The following APCDD1L variants were observed in gnomAD, a reference collection of about 807,000 sequenced individuals.
The protein encoded by APCDD1L is protein APCDD1-like.
In APCDD1L, 21 loss-of-function variants were observed where a neutral mutation model predicts 24.2. That is an observed-to-expected ratio of 0.87 (90% confidence interval 0.61 to 1.25). The LOEUF (loss-of-function observed/expected upper bound fraction) is 1.25. APCDD1L is among the 50% of genes most tolerant of loss of function. APCDD1L has a pLI of 0.00. For synonymous variants in APCDD1L, 321 were observed against 323.6 expected, an observed-to-expected ratio of 0.99 and a Z score of 0.09; for missense variants, 704 against 711.7, an observed-to-expected ratio of 0.99 and a Z score of 0.12.
At chr20:58,481,843 CG>C (rs1990031756) in intron 1 of APCDD1L, among the ~76,000 whole-genome samples, 1 of 152,204 alleles carries the variant, frequency 6.6e-6, no homozygotes, top group Non-Finnish European at 1.5e-5. Context: ...CTTTCTTCCA[CG>C]TGGGAGATCT....
intron 3 of APCDD1L, among the ~76,000 whole-genome samples, chr20:58,465,049 T>G (rs1600842796): frequency 6.6e-6 from 1 of 152,148 alleles, no homozygotes; most frequent in Non-Finnish European, 1.5e-5. Flanking sequence ...CCCAGAGTCC[T>G]GCCTGGGGAT....
intron 2 of APCDD1L, among the ~76,000 whole-genome samples, chr20:58,469,144 C>T (rs987037535): frequency 1.3e-5 from 2 of 152,092 alleles, no homozygotes; most frequent in African/African-American, 4.8e-5. Context: ...TGGCTCTGCT[C>T]CCCATATCCA....
At chr20:58,496,802 T>G in intron 1 of APCDD1L, among the ~76,000 whole-genome samples, 1 of 150,250 alleles carries the variant, frequency 6.7e-6, no homozygotes, top group African/African-American at 2.5e-5. Flanking sequence ...CATGGGAGAG[T>G]GGAGGAAGGC....
intron 1 of APCDD1L, among the ~76,000 whole-genome samples, chr20:58,476,776 C>T (rs113478997): frequency 5.9e-5 from 9 of 152,340 alleles, no homozygotes; most frequent in African/African-American, 2.2e-4. Flanking sequence ...AGATCATCCA[C>T]CCCATCCCAC....
intron 3 of APCDD1L, among the ~76,000 whole-genome samples, chr20:58,464,834 A>T (rs533310712): frequency 2.7e-4 from 40 of 150,858 alleles, no homozygotes; most frequent in Admixed American, 2.3e-3. Context: ...CTTCTTTGAA[A>T]TTATCTGTCT....
At position 58,509,719 on chromosome 20, in the gene APCDD1L, A is replaced by G. The variant is rs114907366; in HGVS notation, c.49+4940T>C. ...CACATGTGCTGGCTTACGGTTAGAG[A>G]CTTTCAGGGCTGGAAGCAAATCTGG... is the stretch of plus-strand genomic sequence containing the variant. On this transcript the variant is annotated intron_variant, in intron 1 of 3. Transcript: ENST00000371149. Among the ~76,000 whole-genome samples, 556 of 152,246 alleles carry G rather than the reference A, an allele frequency of 3.7e-3. 4 individuals are homozygous for G. Among genetic ancestry groups the G allele is most frequent in the African/African-American group, 0.013 (524 of 41,538 alleles).
intron 1 of APCDD1L, among the ~76,000 whole-genome samples, chr20:58,491,480 A>G (rs1029756474): frequency 1.3e-5 from 2 of 151,506 alleles, no homozygotes; most frequent in African/African-American, 2.4e-5. Flanking sequence ...GGGAGGGAAT[A>G]TATCATTTAC....
In APCDD1L at chr20:58,515,037, C is replaced by T. The variant is rs964430758; in HGVS notation, c.-330G>A. The stretch of plus-strand genomic sequence containing the variant: ...CCCCAGCCCTCCCCCAGATGTCCGT[C>T]CCCTGGCCGTCGCCTTCCCCAAAGT... On this transcript the variant is annotated 5_prime_UTR_variant, in exon 1 of 4. Transcript: ENST00000371149. The T allele has an allele frequency of 3.8e-6, 1 of 261,414 alleles. No individual in the cohort carries two copies. The allele number at this position is 261,414 out of a possible 1,614,324, so 16.2% of individuals were successfully genotyped here.
chr20:58,479,992 A>C (rs1989993846), intron 1 of APCDD1L, among the ~76,000 whole-genome samples: 1 of 152,184 alleles, frequency 6.6e-6, no homozygotes. Context: ...CTGCATCAAC[A>C]AACACAGAAA....
intron 1 of APCDD1L, among the ~76,000 whole-genome samples, chr20:58,479,566 A>G (rs1335247270): frequency 7.4e-6 from 1 of 135,976 alleles, no homozygotes; most frequent in Non-Finnish European, 1.6e-5. Context: ...GCTCTGTTTT[A>G]TATACTGAGG....
chr20:58,512,051 C>T (rs1197221551), intron 1 of APCDD1L, among the ~76,000 whole-genome samples: 1 of 152,224 alleles, frequency 6.6e-6, no homozygotes, highest in Non-Finnish European at 1.5e-5. Flanking sequence ...GCACCAGACA[C>T]ATCTGGCCTG....
intron 1 of APCDD1L, among the ~76,000 whole-genome samples, chr20:58,491,070 T>G (rs549425794): frequency 6.6e-6 from 1 of 152,290 alleles, no homozygotes; most frequent in Admixed American, 6.5e-5. Context: ...CCAAACCCAT[T>G]CGTAATTTAA....
At chr20:58,514,573 C>T (rs1990702074) in intron 1 of APCDD1L, 86 bp downstream of exon 1, 2 of 1,226,934 alleles carry the variant, frequency 1.6e-6, no homozygotes, top group Admixed American at 4.0e-5. Flanking sequence ...GCCGTAGTCC[C>T]CAAGGGCCCT....
chr20:58,495,150 C>A (rs184422862), intron 1 of APCDD1L, among the ~76,000 whole-genome samples: 1 of 152,366 alleles, frequency 6.6e-6, no homozygotes, highest in Admixed American at 6.5e-5. Flanking sequence ...TCTCCCTCAA[C>A]TTGTCGTCTG....
chr20:58,494,166 G>C lies in APCDD1L; in HGVS notation c.49+20493C>G, dbSNP rs1990275521. On this transcript the variant is annotated intron_variant, in intron 1 of 3. Transcript: ENST00000371149. This position sits in a 1 kb window ranked among gnomAD's most constrained non-coding sequence, Gnocchi z 4.8. The stretch of plus-strand genomic sequence containing the variant: ...GGAGGAGGAGGAAGAGGAGGGGCTG[G>C]TCTTGCTGTCTCAGGGGCAGCAGAG... Among the ~76,000 whole-genome samples, 1 of 152,152 alleles carries C rather than the reference G, an allele frequency of 6.6e-6. No homozygotes were observed. The highest frequency in any genetic ancestry group is 1.5e-5 in the Non-Finnish European group (1 of 68,020).
At chr20:58,513,214 A>G (rs1031819383) in intron 1 of APCDD1L, among the ~76,000 whole-genome samples, 1 of 152,062 alleles carries the variant, frequency 6.6e-6, no homozygotes, top group African/African-American at 2.4e-5. Flanking sequence ...TGTCCTCCCT[A>G]TCTCAGCACC....
At chr20:58,512,903 G>A (rs935532902) in intron 1 of APCDD1L, among the ~76,000 whole-genome samples, 3 of 152,020 alleles carry the variant, frequency 2.0e-5, no homozygotes, top group African/African-American at 2.4e-5. Flanking sequence ...CCCCTCTCTC[G>A]TCAGGCCCCC....
intron 1 of APCDD1L, among the ~76,000 whole-genome samples, chr20:58,512,605 G>A (rs927730751): frequency 3.6e-4 from 55 of 152,210 alleles, no homozygotes; most frequent in African/African-American, 1.3e-3. Flanking sequence ...GGGGTGGCTG[G>A]TGTGCCATTA....
At chr20:58,471,220 C>A (rs1989806515) in intron 1 of APCDD1L, among the ~76,000 whole-genome samples, 1 of 152,188 alleles carries the variant, frequency 6.6e-6, no homozygotes, top group Non-Finnish European at 1.5e-5. Flanking sequence ...TAGAGCAGAC[C>A]ACTCCCCTCC....
Sources: gnomAD v4.1 joint callset for allele counts (sites outside exome capture counted in the v4.1 genomes callset) on GRCh38, gnomAD v4.1.1 for gene constraint, Gnocchi (gnomAD v3.1) non-coding constraint, MANE v1.5 for transcripts, NCBI Gene and HGNC (gene_info 2026-07-23, HGNC 2026-07-21) for gene names.